SNX29: variants seen among roughly 807,000 people sequenced by gnomAD.
SNX29 encodes the protein sorting nexin-29.
SNX29 carries 78 observed loss-of-function variants against 102.1 expected under a neutral mutation model. The ratio of observed to expected loss-of-function variants is 0.76; its 90% CI spans 0.64 to 0.92. The LOEUF (loss-of-function observed/expected upper bound fraction) is 0.92, where lower values mean the gene tolerates loss of function less well. SNX29 is among the 40% of genes least tolerant of loss of function. SNX29 has a pLI of 0.00. For missense variants in SNX29, 1,280 were observed against 1,061.7 expected (o/e 1.21, Z -2.86); for synonymous variants, 580 against 414.5 (o/e 1.40, Z -4.85).
chr16:12,379,723 T>C (rs952433948), intron 16 of SNX29, among the ~76,000 whole-genome samples: 2 of 152,148 alleles, frequency 1.3e-5, no homozygotes, highest in African/African-American at 4.8e-5. Flanking sequence ...TGAGGCTGAT[T>C]TCTCTCTGGC....
intron 15 of SNX29, among the ~76,000 whole-genome samples, chr16:12,329,869 G>GT (rs1596939319): frequency 6.6e-6 from 1 of 152,158 alleles, no homozygotes; most frequent in Non-Finnish European, 1.5e-5. Flanking sequence ...GACAAGAGCT[G>GT]TTTTTTTCTG....
chr16:12,274,084 A>G (rs1203239187), intron 14 of SNX29, among the ~76,000 whole-genome samples: 2 of 152,072 alleles, frequency 1.3e-5, no homozygotes, highest in African/African-American at 4.8e-5. Flanking sequence ...ATGTATTACG[A>G]TTGCTAGAAT....
chr16:12,067,677 G>A (rs780996419), intron 9 of SNX29, among the ~76,000 whole-genome samples: 4 of 152,104 alleles, frequency 2.6e-5, no homozygotes, highest in East Asian at 1.9e-4. Context: ...TAGTAGAGAC[G>A]GGGTTTTGCC....
At chr16:12,295,095 C>A (rs760476161) in intron 15 of SNX29, among the ~76,000 whole-genome samples, 1 of 152,142 alleles carries the variant, frequency 6.6e-6, no homozygotes, top group Non-Finnish European at 1.5e-5. Flanking sequence ...GGAAACTGCC[C>A]CAGTGATTCA....
At position 12,572,955 on chromosome 16, in the gene SNX29, G is replaced by C; in HGVS notation, c.*4326G>C. 1.5e-6 allele frequency: 1 copy of C among 665,784 alleles called. No homozygotes were observed. The highest frequency in any genetic ancestry group is 1.9e-6 in the Non-Finnish European group (1 of 515,122). The allele number at this position is 665,784 out of a possible 1,614,324, so 41.2% of individuals were successfully genotyped here. ...AAGGCAGGCATCTGCTTATGAGCAA[G>C]GTCAAAGATTTTTCAAAATATTGTG... On this transcript the variant is annotated 3_prime_UTR_variant, in exon 21 of 21. Transcript: ENST00000566228.
At chr16:12,549,479 G>A (rs2077824714) in intron 20 of SNX29, among the ~76,000 whole-genome samples, 1 of 136,788 alleles carries the variant, frequency 7.3e-6, no homozygotes, top group African/African-American at 3.0e-5. Flanking sequence ...TGGGCAACAG[G>A]AAGATCCTCA....
chr16:12,373,384 C>T (rs1205869917), intron 16 of SNX29, among the ~76,000 whole-genome samples: 1 of 152,194 alleles, frequency 6.6e-6, no homozygotes, highest in Non-Finnish European at 1.5e-5. Context: ...CCTGCCTCGG[C>T]CTCCCATAGT....
chr16:12,377,678 G>T (rs577067618), intron 16 of SNX29, among the ~76,000 whole-genome samples: 1 of 152,324 alleles, frequency 6.6e-6, no homozygotes, highest in South Asian at 2.1e-4. Flanking sequence ...GGTTACGGTG[G>T]TGATGGGAAT....
chr16:12,370,911 A>C (rs773569487), intron 16 of SNX29, among the ~76,000 whole-genome samples: 1 of 152,164 alleles, frequency 6.6e-6, no homozygotes, highest in Admixed American at 6.5e-5. Context: ...AAGCCAAGCC[A>C]TTGGCTCCCT....
At chr16:12,554,056 C>G (rs2078165539) in intron 20 of SNX29, among the ~76,000 whole-genome samples, 1 of 152,218 alleles carries the variant, frequency 6.6e-6, no homozygotes, top group African/African-American at 2.4e-5. Context: ...TAAATCCTGA[C>G]CTCAAATGAT....
At chr16:12,557,415 A>AG (rs2078437238) in intron 20 of SNX29, 2 of 152,138 alleles carry the variant, frequency 1.3e-5, no homozygotes, top group Admixed American at 1.3e-4. Flanking sequence ...TTTGAGACTG[A>AG]GTTTGGCATG....
intron 11 of SNX29, among the ~76,000 whole-genome samples, chr16:12,102,784 G>A (rs1160136254): frequency 6.6e-6 from 1 of 152,228 alleles, no homozygotes; most frequent in East Asian, 1.9e-4. Context: ...TCTGTTTGCA[G>A]ATGACATGAT....
intron 10 of SNX29, among the ~76,000 whole-genome samples, chr16:12,071,864 T>C (rs2151310325): frequency 6.6e-6 from 1 of 152,356 alleles, no homozygotes; most frequent in Admixed American, 6.5e-5. Context: ...TGGTTTGTAG[T>C]TCTCCTTGAA....
At chr16:11,981,962 T>C (rs2055426918) in intron 1 of SNX29, among the ~76,000 whole-genome samples, 1 of 151,982 alleles carries the variant, frequency 6.6e-6, no homozygotes, top group South Asian at 2.1e-4. Context: ...CTGAGCCCTT[T>C]GGGAGGCCCA....
intron 11 of SNX29, among the ~76,000 whole-genome samples, chr16:12,119,993 T>C (rs12596703): frequency 0.26 from 38,900 of 152,106 alleles, 4,963 homozygotes; most frequent in Middle Eastern, 0.33. Flanking sequence ...TGGGACATTT[T>C]TTCCTCCTTT....
Position 12,051,942 on chromosome 16 carries a change from T to C in SNX29, c.844T>C (p.Phe282Leu), listed in dbSNP as rs2050322845. 1.9e-6 allele frequency: 3 copies of C among 1,613,732 alleles called. No homozygotes were observed. The highest frequency in any genetic ancestry group is 1.7e-5 in the Admixed American group (1 of 59,986). The change falls in exon 8 of 21, where the codon TTT becomes CTT. Residue 282 changes from phenylalanine (F) to leucine (L), a missense_variant. Physicochemically the swap from Phe to Leu is conservative, Grantham distance 22 (BLOSUM62 0). Coordinates refer to ENST00000566228, the MANE Select transcript of SNX29 (RefSeq NM_032167.5). ...EEDEQNSGDV[F>L]KKTPGAGESS... Reference sequence around the variant, plus strand: ...AGATGAGCAGAACTCTGGGGACGTGTTTAAAAAGACACCTGGGGCAGGGGA... The same window carrying C: ...AGATGAGCAGAACTCTGGGGACGTGCTTAAAAAGACACCTGGGGCAGGGGA...
intron 15 of SNX29, among the ~76,000 whole-genome samples, chr16:12,319,599 G>C (rs1028407262): frequency 1.4e-4 from 22 of 152,218 alleles, no homozygotes; most frequent in African/African-American, 4.8e-4. Flanking sequence ...GTTGATCTGT[G>C]ATGTTGTGTT....
chr16:12,547,440 G>C (rs143421742), intron 20 of SNX29, among the ~76,000 whole-genome samples: 1 of 152,166 alleles, frequency 6.6e-6, no homozygotes, highest in Non-Finnish European at 1.5e-5. Flanking sequence ...GGGGAGAGGG[G>C]ATGGTGCCTC....
At chr16:12,301,402 C>A (rs975451087) in intron 15 of SNX29, among the ~76,000 whole-genome samples, 2 of 152,186 alleles carry the variant, frequency 1.3e-5, no homozygotes, top group Admixed American at 1.3e-4. Context: ...GGTTACTCCA[C>A]CCTCCAGGGT....
Sources: allele counts gnomAD v4.1 joint callset (sites outside exome capture counted in the v4.1 genomes callset), GRCh38; gene constraint gnomAD v4.1.1; transcripts MANE v1.5; gene names NCBI Gene and HGNC (gene_info 2026-07-23, HGNC 2026-07-21).